B4GALT6: variants seen among roughly 807,000 people sequenced by gnomAD.
B4GALT6 encodes the protein UDP-Gal:beta-GlcNAc beta-1,4-galactosyltransferase 6.
B4GALT6 carries 14 observed loss-of-function variants against 46.3 expected under a neutral mutation model. That is an observed-to-expected ratio of 0.30 (90% confidence interval 0.20 to 0.47). The LOEUF is 0.47. B4GALT6 is among the 20% of genes least tolerant of loss of function. The pLI, the probability that B4GALT6 is intolerant of heterozygous loss-of-function variation, is 0.99. For synonymous variants in B4GALT6, 168 were observed against 162.0 expected (o/e 1.04, Z -0.28); for missense variants, 386 against 480.1 (o/e 0.80, Z 1.83).
At chr18:31,629,127 T>C (rs193063760) in intron 6 of B4GALT6, among the ~76,000 whole-genome samples, 1 of 152,228 alleles carries the variant, frequency 6.6e-6, no homozygotes, top group Non-Finnish European at 1.5e-5. Context: ...GCTTACTTTA[T>C]GGTAAGAATA....
At chr18:31,684,241 G>A in intron 1 of B4GALT6, 71 bp downstream of exon 1, 5 of 1,599,072 alleles carry the variant, frequency 3.1e-6, no homozygotes, top group Non-Finnish European at 4.3e-6. Context: ...AATCCCAGAA[G>A]TAACATCGGA....
At position 31,622,838 on chromosome 18, in the gene B4GALT6, C is replaced by T. The variant is rs898695366; in HGVS notation, c.*2776G>A. On this transcript the variant is annotated 3_prime_UTR_variant, in exon 9 of 9. Coordinates refer to ENST00000306851, the MANE Select transcript of B4GALT6 (RefSeq NM_004775.5). ...TATATATAGTTCCAGCAAATGTGTACTCTTCTCCTTTTCTTCTCTACAGAC... is the reference window on the plus strand; with the variant it reads ...TATATATAGTTCCAGCAAATGTGTATTCTTCTCCTTTTCTTCTCTACAGAC... The T allele has an allele frequency of 2.6e-5, 4 of 152,056 alleles. No individual in the cohort carries two copies. Among genetic ancestry groups the T allele is most frequent in the African/African-American group, 9.7e-5 (4 of 41,430 alleles). 9.4% of individuals were successfully genotyped at this position (152,056 alleles called of 1,614,324 possible).
At chr18:31,629,659 C>T (rs553201969) in intron 6 of B4GALT6, among the ~76,000 whole-genome samples, 1 of 149,946 alleles carries the variant, frequency 6.7e-6, no homozygotes, top group Admixed American at 6.6e-5. Context: ...ACTATCTTGG[C>T]TAACACAGTG....
chr18:31,700,634 T>C, the B4GALT6 span, among the ~76,000 whole-genome samples: 20 of 152,140 alleles, frequency 1.3e-4, no homozygotes, highest in African/African-American at 4.8e-4. Context: ...TTTTTTGTAT[T>C]TTTAATAGAG....
At chr18:31,628,239 C>T (rs2073727531) in intron 6 of B4GALT6, among the ~76,000 whole-genome samples, 1 of 152,188 alleles carries the variant, frequency 6.6e-6, no homozygotes, top group Admixed American at 6.5e-5. Flanking sequence ...TCTCAAGGCT[C>T]ACACTTGGGA....
chr18:31,696,992 C>T, the B4GALT6 span, among the ~76,000 whole-genome samples: 10 of 152,218 alleles, frequency 6.6e-5, no homozygotes, highest in African/African-American at 2.4e-4. Context: ...CTAGGCCAGG[C>T]GCGGTGGCTC....
At chr18:31,695,062 A>G in the B4GALT6 span, among the ~76,000 whole-genome samples, 1 of 152,292 alleles carries the variant, frequency 6.6e-6, no homozygotes, top group East Asian at 1.9e-4. Flanking sequence ...TATACTACGG[A>G]GAAGGAATAT....
At chr18:31,700,904 G>C in the B4GALT6 span, among the ~76,000 whole-genome samples, 1 of 152,120 alleles carries the variant, frequency 6.6e-6, no homozygotes, top group African/African-American at 2.4e-5. Context: ...CATTGATATA[G>C]AGTCTGAGGG....
At position 31,684,573 on chromosome 18, in the gene B4GALT6, G is replaced by A. The variant is rs1027236890; in HGVS notation, c.-147C>T. On this transcript the variant is annotated 5_prime_UTR_variant, in exon 1 of 9. Transcript: ENST00000306851. ...GAGGCTCTGGGGAGAGGGCCCGAGC[G>A]GAAAAGAGGAAATGGGAGGGAGCGG... is the stretch of plus-strand genomic sequence containing the variant. The A allele has an allele frequency of 4.3e-6, 6 of 1,387,444 alleles. No individual in the cohort carries two copies. Among genetic ancestry groups the A allele is most frequent in the Admixed American group, 5.1e-5 (2 of 38,932 alleles). The allele number at this position is 1,387,444 out of a possible 1,614,324, so 85.9% of individuals were successfully genotyped here.
chr18:31,626,897 C>A, intron 7 of B4GALT6, 102 bp downstream of exon 7: 3 of 976,152 alleles, frequency 3.1e-6, no homozygotes, highest in East Asian at 2.9e-5. Context: ...AAACATATCC[C>A]ATCCCAAAGA....
chr18:31,707,269 A>G, the B4GALT6 span, among the ~76,000 whole-genome samples: 1 of 150,654 alleles, frequency 6.6e-6, no homozygotes, highest in East Asian at 1.9e-4. Context: ...GACTTCTAGG[A>G]AAACTGAACC....
At chr18:31,651,865 G>T (rs1157089156) in intron 3 of B4GALT6, among the ~76,000 whole-genome samples, 1 of 152,010 alleles carries the variant, frequency 6.6e-6, no homozygotes, top group Non-Finnish European at 1.5e-5. Context: ...CCACCTCCTG[G>T]GTTCACGCCA....
At chr18:31,699,881 TAGAA>T in the B4GALT6 span, among the ~76,000 whole-genome samples, 3 of 152,098 alleles carry the variant, frequency 2.0e-5, no homozygotes, top group Non-Finnish European at 4.4e-5. Flanking sequence ...CCATCTATCA[TAGAA>T]GGAAGAAAAG....
intron 7 of B4GALT6, 51 bp downstream of exon 7, chr18:31,626,948 A>G (rs755282719): frequency 1.3e-6 from 2 of 1,516,116 alleles, no homozygotes; most frequent in Non-Finnish European, 1.8e-6. Context: ...TACCTAATAT[A>G]AATAAGATTT....
intron 3 of B4GALT6, among the ~76,000 whole-genome samples, chr18:31,648,558 C>T (rs150954941): frequency 6.6e-6 from 1 of 152,190 alleles, no homozygotes; most frequent in African/African-American, 2.4e-5. Flanking sequence ...TTAGTTGCAC[C>T]ATTGGTTATG....
chr18:31,720,460 C>T, the B4GALT6 span, among the ~76,000 whole-genome samples: 10 of 152,294 alleles, frequency 6.6e-5, no homozygotes, highest in South Asian at 8.3e-4. Context: ...TGGGTGCCAT[C>T]GTGATATCCA....
upstream of B4GALT6, chr18:31,685,650 C>T (rs1377085619): frequency 6.6e-6 from 1 of 152,264 alleles, no homozygotes; most frequent in Non-Finnish European, 1.5e-5. Flanking sequence ...CCGCGGTGAC[C>T]GCGCTGCTGG....
At chr18:31,644,823 A>G (rs1335883596) in intron 4 of B4GALT6, among the ~76,000 whole-genome samples, 6 of 152,240 alleles carry the variant, frequency 3.9e-5, no homozygotes, top group Non-Finnish European at 8.8e-5. Flanking sequence ...AGAAGAGCCC[A>G]AAGTCCAACT....
chr18:31,649,575 C>CAAAAAAAAAAAAAAA (rs66578099), intron 3 of B4GALT6, among the ~76,000 whole-genome samples: 13 of 102,394 alleles, frequency 1.3e-4, no homozygotes, highest in Middle Eastern at 4.9e-3. Flanking sequence ...AAAAAATGAG[C>CAAAAAAAAAAAAAAA]AAAAAAAAAA....
Sources: gnomAD v4.1 joint callset for allele counts (sites outside exome capture counted in the v4.1 genomes callset) on GRCh38, gnomAD v4.1.1 for gene constraint, MANE v1.5 for transcripts, NCBI Gene and HGNC (gene_info 2026-07-23, HGNC 2026-07-21) for gene names.